The following RBFOX3 variants were observed in gnomAD, a reference collection of about 807,000 sequenced individuals.
RBFOX3 encodes RNA binding fox-1 homolog 3, also known as RNA binding protein fox-1 homolog 3.
In RBFOX3, 17 loss-of-function variants were observed where a neutral mutation model predicts 48.7. The ratio of observed to expected loss-of-function variants is 0.35; its 90% CI spans 0.24 to 0.52. The LOEUF (loss-of-function observed/expected upper bound fraction) is 0.52, where lower values mean the gene tolerates loss of function less well. Ranked by LOEUF, RBFOX3 falls within the 20% of genes least tolerant of loss-of-function variation. The pLI, the probability that RBFOX3 is intolerant of heterozygous loss-of-function variation, is 0.94. For synonymous variants in RBFOX3, 212 were observed against 209.5 expected, an observed-to-expected ratio of 1.01 and a Z score of -0.10; for missense variants, 382 against 497.5, an observed-to-expected ratio of 0.77 and a Z score of 2.21.
chr17:79,532,201 G>GGC (rs1555787570), intron 1 of RBFOX3, among the ~76,000 whole-genome samples: 2 of 152,152 alleles, frequency 1.3e-5, no homozygotes, highest in African/African-American at 4.8e-5. Context: ...TGCACTGGAG[G>GGC]GGGGAGGGGA....
chr17:79,384,663 C>T (rs187099362), intron 2 of RBFOX3, among the ~76,000 whole-genome samples: 13 of 152,326 alleles, frequency 8.5e-5, no homozygotes, highest in Non-Finnish European at 1.3e-4. Context: ...GTTGATGCCT[C>T]GGGAAGTCCA....
At chr17:79,132,942 C>A (rs1228791328) in intron 4 of RBFOX3, 1 of 152,282 alleles carries the variant, frequency 6.6e-6, no homozygotes, top group Non-Finnish European at 1.5e-5. Context: ...TGAGGATGAT[C>A]CCCTTGCCCT....
At chr17:79,501,522 T>C (rs1335664360) in intron 1 of RBFOX3, among the ~76,000 whole-genome samples, 1 of 152,174 alleles carries the variant, frequency 6.6e-6, no homozygotes, top group Non-Finnish European at 1.5e-5. Flanking sequence ...TCCTTGTCAT[T>C]ATGACAGCCA....
intron 5 of RBFOX3, among the ~76,000 whole-genome samples, chr17:79,114,852 T>C (rs970344466): frequency 1.3e-5 from 2 of 152,130 alleles, no homozygotes; most frequent in South Asian, 4.1e-4. Context: ...GCCTGGTTTT[T>C]GTACCCAGAG....
intron 2 of RBFOX3, among the ~76,000 whole-genome samples, chr17:79,327,520 A>G (rs7225395): frequency 0.98 from 149,496 of 152,390 alleles, 73,394 homozygotes; most frequent in East Asian, 1. Flanking sequence ...ACCGGGATGA[A>G]ATCAGGCTGC....
intron 1 of RBFOX3, among the ~76,000 whole-genome samples, chr17:79,505,360 G>C (rs1400866177): frequency 6.6e-6 from 1 of 152,118 alleles, no homozygotes; most frequent in Admixed American, 6.5e-5. Flanking sequence ...ACAGAGGTGG[G>C]TGTATAAATA....
At chr17:79,115,833 A>C (rs2033777773) in intron 4 of RBFOX3, 85 bp from the exon 5 acceptor site, 2 of 557,812 alleles carry the variant, frequency 3.6e-6, no homozygotes, top group Admixed American at 6.5e-5. Flanking sequence ...GGCTGAGCAG[A>C]GCTTCTCCAG....
Position 79,242,812 on chromosome 17 carries a change from C to A in RBFOX3, c.-73-7007G>T, listed in dbSNP as rs2062584270. ...GGGCTTAGGGGTTATACGCCGTGCT[C>A]AGAGCAGTTTTGCCTCCTCTCCCAG... is the stretch of plus-strand genomic sequence containing the variant. On this transcript the variant is annotated intron_variant, in intron 3 of 14. Transcript: ENST00000693108. This position sits in a 1 kb window ranked among gnomAD's most constrained non-coding sequence, Gnocchi z 5.8. 6.6e-6 allele frequency among the ~76,000 whole-genome samples: 1 copy of A among 152,160 alleles called. No homozygotes were observed. Among genetic ancestry groups the A allele is most frequent in the Non-Finnish European group, 1.5e-5 (1 of 68,020 alleles).
chr17:79,161,102 AT>A (rs1179348164), intron 4 of RBFOX3, among the ~76,000 whole-genome samples: 1 of 152,202 alleles, frequency 6.6e-6, no homozygotes, highest in Non-Finnish European at 1.5e-5. Context: ...GGTTAGAAAC[AT>A]AGCCCCTCTG....
chr17:79,183,182 C>A (rs1409279266), intron 4 of RBFOX3: 1 of 148,082 alleles, frequency 6.8e-6, no homozygotes, highest in African/African-American at 2.4e-5. Flanking sequence ...GGCGCAGAGG[C>A]GGCCAAGTGC....
At chr17:79,334,019 A>T (rs1172051240) in intron 2 of RBFOX3, among the ~76,000 whole-genome samples, 1 of 151,602 alleles carries the variant, frequency 6.6e-6, no homozygotes, top group East Asian at 1.9e-4. Flanking sequence ...GTCACCAACG[A>T]TCCCCTCATT....
chr17:79,615,762 C>T (rs987707050), upstream of RBFOX3, among the ~76,000 whole-genome samples: 471 of 152,278 alleles, frequency 3.1e-3, 1 homozygote, highest in Non-Finnish European at 5.0e-3. Context: ...AACAAAGAAA[C>T]AGAAAACACA....
chr17:79,417,746 C>T (rs2065622234), intron 2 of RBFOX3, among the ~76,000 whole-genome samples: 1 of 152,228 alleles, frequency 6.6e-6, no homozygotes, highest in South Asian at 2.1e-4. Flanking sequence ...AACTGAGAGC[C>T]GCAACTCCAA....
chr17:79,198,178 G>C lies in RBFOX3; in HGVS notation c.-34+37588C>G, dbSNP rs918284135. 2.0e-5 allele frequency among the ~76,000 whole-genome samples: 3 copies of C among 152,036 alleles called. No individual in the cohort carries two copies. The highest frequency in any genetic ancestry group is 1.9e-4 in the East Asian group (1 of 5,176). ...TGGGCTGTCATCCCGGAAGTGCTACGGTTGCATCGCTGGACCATCCTCAAC... is the reference window on the plus strand; with the variant it reads ...TGGGCTGTCATCCCGGAAGTGCTACCGTTGCATCGCTGGACCATCCTCAAC... On this transcript the variant is annotated intron_variant, in intron 4 of 14. Coordinates refer to ENST00000693108, the MANE Select transcript of RBFOX3 (RefSeq NM_001350451.2). This position sits in a 1 kb window ranked among gnomAD's most constrained non-coding sequence, Gnocchi z 8.2.
intron 2 of RBFOX3, among the ~76,000 whole-genome samples, chr17:79,468,808 G>A (rs1350233547): frequency 6.8e-6 from 1 of 147,446 alleles, no homozygotes; most frequent in Non-Finnish European, 1.5e-5. Context: ...AGATAGACAG[G>A]AAGACAGGCA....
At position 79,556,334 on chromosome 17, in the gene RBFOX3, G is replaced by A. The variant is rs1028188087; in HGVS notation, c.-320+54492C>T. On this transcript the variant is annotated intron_variant, in intron 1 of 14. Transcript: ENST00000693108. ...ACAGGAAGGGGACGTCAGGACATAA[G>A]GCAAAATAGACAGCAGTTCCATTCG... Among the ~76,000 whole-genome samples the A allele has an allele frequency of 4.7e-5, 7 of 150,242 alleles. No homozygotes were observed. The South Asian group carries it at 1.0e-3, about 22-fold the overall frequency.
the RBFOX3 span, among the ~76,000 whole-genome samples, chr17:79,636,882 TA>T: frequency 1.3e-5 from 2 of 151,964 alleles, no homozygotes; most frequent in African/African-American, 4.8e-5. Context: ...TGAGTGGATT[TA>T]AAAAAAACAA....
chr17:79,485,152 C>T (rs2079374832), intron 1 of RBFOX3, among the ~76,000 whole-genome samples: 1 of 152,152 alleles, frequency 6.6e-6, no homozygotes, highest in Non-Finnish European at 1.5e-5. Context: ...GAGAGGCGGG[C>T]TGTCTGCCGG....
At chr17:79,107,694 T>C (rs1407503638) in intron 5 of RBFOX3, among the ~76,000 whole-genome samples, 1 of 152,210 alleles carries the variant, frequency 6.6e-6, no homozygotes, top group East Asian at 1.9e-4. Context: ...CTGTCCGAGG[T>C]GGCCATTAGC....
Sources: allele counts gnomAD v4.1 joint callset (sites outside exome capture counted in the v4.1 genomes callset), GRCh38; gene constraint gnomAD v4.1.1; non-coding constraint Gnocchi (gnomAD v3.1); transcripts MANE v1.5; gene names NCBI Gene and HGNC (gene_info 2026-07-23, HGNC 2026-07-21).